SYN3: variants seen among roughly 807,000 people sequenced by gnomAD.
SYN3 encodes synapsin-3.
In SYN3, 35 loss-of-function variants were observed where a neutral mutation model predicts 65.8. The observed-to-expected ratio is 0.53, with a 90% CI of 0.41 to 0.70. SYN3 has a LOEUF of 0.70. Ranked by LOEUF, SYN3 falls within the 30% of genes least tolerant of loss-of-function variation. SYN3 has a pLI of 0.00. For missense variants in SYN3, 680 were observed against 749.0 expected (o/e 0.91, Z 1.08); for synonymous variants, 270 against 292.9 (o/e 0.92, Z 0.80).
At chr22:32,982,290 T>C (rs979579169) in intron 2 of SYN3, among the ~76,000 whole-genome samples, 3 of 152,058 alleles carry the variant, frequency 2.0e-5, no homozygotes, top group Non-Finnish European at 4.4e-5. Context: ...TTTTTCTATT[T>C]GTCTAATAAA....
Position 33,035,792 on chromosome 22 carries a change from A to G in SYN3, c.-163+22500T>C, listed in dbSNP as rs191489884. Among the ~76,000 whole-genome samples the G allele has an allele frequency of 3.4e-3, 510 of 152,206 alleles. 3 individuals are homozygous for G. The highest frequency in any genetic ancestry group is 9.6e-3 in the Admixed American group (147 of 15,274). Reference sequence around the variant, plus strand: ...GACAGGGGTCTTGATATGTTGCCTAAGCTGGTCTCAAACTCCTGGCCTCAA... The same window carrying G: ...GACAGGGGTCTTGATATGTTGCCTAGGCTGGTCTCAAACTCCTGGCCTCAA... On this transcript the variant is annotated intron_variant, in intron 1 of 13. Coordinates refer to ENST00000358763, the MANE Select transcript of SYN3 (RefSeq NM_003490.4).
chr22:33,000,464 C>T (rs1469998257), intron 2 of SYN3, among the ~76,000 whole-genome samples: 1 of 152,134 alleles, frequency 6.6e-6, no homozygotes, highest in Non-Finnish European at 1.5e-5. Flanking sequence ...TCAAGGGACC[C>T]AGGCTGACTC....
intron 6 of SYN3, among the ~76,000 whole-genome samples, chr22:32,852,843 A>G (rs915604582): frequency 1.3e-5 from 2 of 152,300 alleles, no homozygotes; most frequent in East Asian, 1.9e-4. Flanking sequence ...AAGTTTCCAG[A>G]ACTGGCTGCT....
intron 6 of SYN3, among the ~76,000 whole-genome samples, chr22:32,739,232 C>G (rs2061372750): frequency 6.6e-6 from 1 of 151,880 alleles, no homozygotes; most frequent in African/African-American, 2.4e-5. Flanking sequence ...CTCATGAGAT[C>G]TGATGATTTT....
intron 6 of SYN3, among the ~76,000 whole-genome samples, chr22:32,820,177 A>G (rs1418280948): frequency 2.6e-5 from 4 of 151,956 alleles, no homozygotes; most frequent in African/African-American, 9.7e-5. Flanking sequence ...TCCTGTGCCC[A>G]AGCCCTTCCT....
chr22:33,008,162 C>T (rs555614520), intron 1 of SYN3, among the ~76,000 whole-genome samples: 4 of 152,286 alleles, frequency 2.6e-5, no homozygotes, highest in Non-Finnish European at 5.9e-5. Flanking sequence ...GTCTCAAACT[C>T]CTGGCCTCAA....
intron 2 of SYN3, among the ~76,000 whole-genome samples, chr22:32,987,332 C>T (rs888185958): frequency 4.6e-5 from 7 of 152,134 alleles, no homozygotes; most frequent in South Asian, 2.1e-4. Flanking sequence ...AGAGACTTTG[C>T]CAGTTAGCAA....
chr22:32,893,222 C>T (rs556659542), intron 4 of SYN3, among the ~76,000 whole-genome samples: 3 of 152,330 alleles, frequency 2.0e-5, no homozygotes, highest in East Asian at 1.9e-4. Context: ...CTCTGCCCCC[C>T]TCCCAGGACT....
chr22:32,952,805 A>C (rs923908142), intron 3 of SYN3, among the ~76,000 whole-genome samples: 5 of 152,234 alleles, frequency 3.3e-5, no homozygotes, highest in Non-Finnish European at 7.3e-5. Flanking sequence ...AGTGTTTTGC[A>C]GTTTACAAAA....
chr22:32,544,633 C>T (rs1167416332), intron 7 of SYN3, among the ~76,000 whole-genome samples: 1 of 152,248 alleles, frequency 6.6e-6, no homozygotes, highest in Admixed American at 6.5e-5. Context: ...TCTCACCCTT[C>T]TTTCTGGCAA....
intron 6 of SYN3, chr22:32,863,100 G>C (rs1174952131): frequency 6.6e-6 from 1 of 152,634 alleles, no homozygotes; most frequent in Non-Finnish European, 1.5e-5. Flanking sequence ...GTATACACCA[G>C]CAGGCCTTGA....
chr22:32,571,288 A>T (rs536540991), intron 7 of SYN3, among the ~76,000 whole-genome samples: 1 of 150,242 alleles, frequency 6.7e-6, no homozygotes, highest in African/African-American at 2.5e-5. Context: ...TTCCATCCCC[A>T]GTGCCCAGAA....
intron 6 of SYN3, among the ~76,000 whole-genome samples, chr22:32,600,840 C>A (rs1037908666): frequency 1.3e-5 from 2 of 152,044 alleles, no homozygotes; most frequent in African/African-American, 2.4e-5. Context: ...GGCTGTGCCA[C>A]CATGCCTGGC....
intron 1 of SYN3, among the ~76,000 whole-genome samples, chr22:33,029,790 G>A (rs759806931): frequency 1.3e-5 from 2 of 152,116 alleles, no homozygotes; most frequent in East Asian, 1.9e-4. Flanking sequence ...CAGGCCCTAC[G>A]GATTTTCCAT....
At chr22:32,572,275 C>CTT (rs2058772293) in intron 7 of SYN3, among the ~76,000 whole-genome samples, 5 of 39,200 alleles carry the variant, frequency 1.3e-4, no homozygotes, top group Admixed American at 2.6e-4. Flanking sequence ...TCCTTCCCCC[C>CTT]TCCCTCCCTC....
chr22:32,541,143 A>C (rs2058247168), intron 8 of SYN3, among the ~76,000 whole-genome samples: 5 of 152,190 alleles, frequency 3.3e-5, no homozygotes, highest in Non-Finnish European at 7.4e-5. Context: ...TATTGGCTTC[A>C]GAGAAACCGT....
intron 6 of SYN3, among the ~76,000 whole-genome samples, chr22:32,808,442 C>T (rs377633040): frequency 6.6e-6 from 1 of 152,100 alleles, no homozygotes; most frequent in South Asian, 2.1e-4. Context: ...CCAAGAAGGA[C>T]GCTGGGGTCT....
At chr22:32,559,330 A>G (rs140708509) in intron 7 of SYN3, among the ~76,000 whole-genome samples, 2 of 152,328 alleles carry the variant, frequency 1.3e-5, no homozygotes, top group African/African-American at 4.8e-5. Context: ...ACAAATAGAT[A>G]TATGACATAT....
intron 6 of SYN3, chr22:32,861,500 C>T (rs2048536639): frequency 6.6e-6 from 1 of 152,242 alleles, no homozygotes; most frequent in African/African-American, 2.4e-5. Context: ...GGCCCCTGAC[C>T]AACCTACACA....
Sources: allele counts gnomAD v4.1 joint callset (sites outside exome capture counted in the v4.1 genomes callset), GRCh38; gene constraint gnomAD v4.1.1; transcripts MANE v1.5; gene names NCBI Gene and HGNC (gene_info 2026-07-23, HGNC 2026-07-21).